PCDH11X: variants seen among roughly 807,000 people sequenced by gnomAD.
PCDH11X encodes the protein protocadherin 11 X-linked.
A neutral mutation model predicts 53.3 loss-of-function variants in PCDH11X; 18 were observed. The observed-to-expected ratio is 0.34, with a 90% CI of 0.23 to 0.50. The LOEUF is 0.50. Ranked by LOEUF, PCDH11X falls within the 20% of genes least tolerant of loss-of-function variation. The pLI is 0.98. For missense variants in PCDH11X, 570 were observed against 1,032.4 expected, an observed-to-expected ratio of 0.55 and a Z score of 6.14; for synonymous variants, 279 against 393.3, an observed-to-expected ratio of 0.71 and a Z score of 3.44.
chrX:92,005,632 G>A (rs1352432367), intron 6 of PCDH11X, among the ~76,000 whole-genome samples: 1 of 111,612 alleles, frequency 9.0e-6, no homozygotes, highest in Admixed American at 9.5e-5. Context: ...GATAATAGTA[G>A]TTTACATGCC....
At chrX:92,359,154 A>G (rs1239214932) in intron 8 of PCDH11X, among the ~76,000 whole-genome samples, 1 of 104,756 alleles carries the variant, frequency 9.5e-6, no homozygotes, top group Non-Finnish European at 2.0e-5. Flanking sequence ...CAACTTGATT[A>G]ATTTGGGGGA....
chrX:92,540,697 C>T (rs1288021333), intron 10 of PCDH11X, among the ~76,000 whole-genome samples: 2 of 106,863 alleles, frequency 1.9e-5, no homozygotes, highest in South Asian at 4.3e-4. Flanking sequence ...TCTCAGAGCC[C>T]GAGGCCCATG....
At chrX:91,929,449 A>G (rs1402670234) in intron 6 of PCDH11X, among the ~76,000 whole-genome samples, 2 of 110,370 alleles carry the variant, frequency 1.8e-5, no homozygotes, top group Non-Finnish European at 1.9e-5. Context: ...AGGTAAGGAA[A>G]TCGAAGCCCA....
intron 6 of PCDH11X, among the ~76,000 whole-genome samples, chrX:92,150,592 TC>T (rs1040136151): frequency 4.5e-5 from 5 of 110,520 alleles, no homozygotes; most frequent in African/African-American, 1.6e-4. Context: ...CCTTTGCATT[TC>T]AATAAAAATT....
chrX:92,149,763 T>G (rs1330808824), intron 6 of PCDH11X, among the ~76,000 whole-genome samples: 6 of 110,820 alleles, frequency 5.4e-5, no homozygotes, highest in Non-Finnish European at 1.1e-4. Context: ...GCCTTCACCC[T>G]GACCCAAACA....
chrX:92,323,576 T>A (rs969118100), intron 8 of PCDH11X, among the ~76,000 whole-genome samples: 4 of 110,872 alleles, frequency 3.6e-5, no homozygotes, highest in Admixed American at 2.9e-4. Flanking sequence ...TTTAATTTAA[T>A]TTTTTTATTA....
intron 7 of PCDH11X, among the ~76,000 whole-genome samples, chrX:92,207,163 C>T (rs1197424515): frequency 9.0e-6 from 1 of 111,360 alleles, no homozygotes; most frequent in Non-Finnish European, 1.9e-5. Flanking sequence ...TTCTAGGGGC[C>T]AATGGGACCA....
At position 92,175,776 on chromosome X, in the gene PCDH11X, G is replaced by GTGTGTGTGTGTATA. The variant is rs779454685; in HGVS notation, c.3034-25598_3034-25597insGTGTGTGTGTATAT. 7.8e-4 allele frequency among the ~76,000 whole-genome samples: 62 copies of GTGTGTGTGTGTATA among 79,279 alleles called. 2 individuals carry two copies. Among genetic ancestry groups the GTGTGTGTGTGTATA allele is most frequent in the African/African-American group, 2.6e-3 (59 of 22,517 alleles). 68.8% of individuals were successfully genotyped at this position (79,279 alleles called of 115,157 possible). A position where few individuals can be genotyped will look rare whatever the true frequency, so the allele number is the denominator to read the frequency against. On this transcript the variant is annotated intron_variant, in intron 6 of 10. Transcript: ENST00000682573. ...CATATATGTGTGTGTGTGTGTGTGT[G>GTGTGTGTGTGTATA]TATATATATACACACACACACACAC...
chrX:92,245,871 T>G (rs2067340750), intron 7 of PCDH11X, among the ~76,000 whole-genome samples: 1 of 111,946 alleles, frequency 8.9e-6, no homozygotes, highest in Admixed American at 9.5e-5. Context: ...AATTTAATAG[T>G]TTAACTACAT....
chrX:92,221,331 A>T (rs999289440), intron 7 of PCDH11X, among the ~76,000 whole-genome samples: 11 of 101,644 alleles, frequency 1.1e-4, no homozygotes, highest in Admixed American at 2.2e-4. Flanking sequence ...ACACACATAT[A>T]TACGAAGTAC....
intron 8 of PCDH11X, among the ~76,000 whole-genome samples, chrX:92,360,966 A>T (rs200373566): frequency 2.3e-5 from 2 of 85,527 alleles, no homozygotes; most frequent in African/African-American, 4.1e-5. Flanking sequence ...TTTTTTTTTT[A>T]ATTAAATCTC....
At chrX:91,860,230 T>G (rs1441059202) in intron 5 of PCDH11X, among the ~76,000 whole-genome samples, 2 of 108,639 alleles carry the variant, frequency 1.8e-5, no homozygotes, top group African/African-American at 6.7e-5. Flanking sequence ...TTGTAGCAAT[T>G]TTGAATTGGA....
intron 6 of PCDH11X, among the ~76,000 whole-genome samples, chrX:91,949,367 A>G (rs910936828): frequency 2.7e-5 from 3 of 110,114 alleles, no homozygotes; most frequent in African/African-American, 1.0e-4. Context: ...AAAAAAACTT[A>G]CAAAAGAAAA....
At chrX:91,883,203 C>T (rs1482321085) in intron 6 of PCDH11X, 11 of 910,261 alleles carry the variant, frequency 1.2e-5, no homozygotes, top group Non-Finnish European at 1.5e-5. Context: ...TCTCTGTTTG[C>T]TCTGAATCAA....
chrX:92,094,994 A>G (rs35377894), intron 6 of PCDH11X, among the ~76,000 whole-genome samples: 1 of 111,323 alleles, frequency 9.0e-6, no homozygotes, highest in East Asian at 2.8e-4. Flanking sequence ...ATTGCAGTAT[A>G]CATGGTAATA....
intron 8 of PCDH11X, among the ~76,000 whole-genome samples, chrX:92,368,293 G>A (rs1306195162): frequency 2.2e-4 from 25 of 111,149 alleles, no homozygotes; most frequent in Admixed American, 2.2e-3. Context: ...CTTGGCTATT[G>A]ATACTTGTGT....
intron 8 of PCDH11X, among the ~76,000 whole-genome samples, chrX:92,313,514 CTG>C (rs1358193958): frequency 9.0e-6 from 1 of 110,783 alleles, no homozygotes; most frequent in Non-Finnish European, 1.9e-5. Context: ...CAAATTATAA[CTG>C]TAAAATTTTC....
chrX:91,879,597 T>G lies in PCDH11X; in HGVS notation c.3033+324T>G, dbSNP rs182933929. On this transcript the variant is annotated intron_variant, in intron 6 of 10. Transcript: ENST00000682573. ...GTTGTAGCACTGTCCTCAGTACCAT[T>G]GTGTGCATGAGGATCAGAATAGTCT... The G allele has an allele frequency of 4.9e-6, 5 of 1,017,628 alleles. No homozygotes were observed. The Admixed American group carries it at 1.8e-4, about 36-fold the overall frequency. The allele number at this position is 1,017,628 out of a possible 1,213,427, so 83.9% of individuals were successfully genotyped here. A position where few individuals can be genotyped will look rare whatever the true frequency, so the allele number is the denominator to read the frequency against.
intron 1 of PCDH11X, among the ~76,000 whole-genome samples, chrX:91,793,756 T>A (rs1019033346): frequency 2.6e-4 from 29 of 111,290 alleles, no homozygotes; most frequent in African/African-American, 8.8e-4. Context: ...CTGTTAATAA[T>A]ACACTAAGGT....
Sources: gnomAD v4.1 joint callset for allele counts (sites outside exome capture counted in the v4.1 genomes callset) on GRCh38, gnomAD v4.1.1 for gene constraint, MANE v1.5 for transcripts, NCBI Gene and HGNC (gene_info 2026-07-23, HGNC 2026-07-21) for gene names.